CPEB3: variants seen among roughly 807,000 people sequenced by gnomAD.
The protein encoded by CPEB3 is cytoplasmic polyadenylation element binding protein 3.
CPEB3 carries 20 observed loss-of-function variants against 67.2 expected under a neutral mutation model. That is an observed-to-expected ratio of 0.30 (90% confidence interval 0.21 to 0.43). The LOEUF (loss-of-function observed/expected upper bound fraction) is 0.43. Among genes scored for constraint, CPEB3 ranks in the 20% least tolerant of loss-of-function variants. The pLI is 1.00. For missense variants in CPEB3, 746 were observed against 968.6 expected (o/e 0.77, Z 3.05); for synonymous variants, 376 against 393.1 (o/e 0.96, Z 0.51).
At chr10:92,115,054 G>C (rs1590170504) in intron 6 of CPEB3, among the ~76,000 whole-genome samples, 2 of 152,196 alleles carry the variant, frequency 1.3e-5, no homozygotes, top group South Asian at 4.1e-4. Context: ...CGGCGGCCGC[G>C]GGCGCGGGGG....
At chr10:92,228,063 T>C (rs999003507) in intron 2 of CPEB3, among the ~76,000 whole-genome samples, 26 of 152,146 alleles carry the variant, frequency 1.7e-4, no homozygotes, top group South Asian at 4.1e-4. Flanking sequence ...ATTTTTTGTA[T>C]TTTTAGTAGA....
Position 92,162,141 on chromosome 10 carries a change from CT to C in CPEB3, c.1223-17057del, listed in dbSNP as rs910793361. 5.0e-3 allele frequency among the ~76,000 whole-genome samples: 731 copies of C among 145,250 alleles called. 3 individuals carry two copies. The highest frequency in any genetic ancestry group is 0.014 in the African/African-American group (567 of 39,896). ...TATTACCAGCCTTAGAGATAGAATT[CT>C]TTTTTTTTTTAAGAGAAAGAATCTT... On this transcript the variant is annotated intron_variant, in intron 4 of 9. Transcript: ENST00000265997.
chr10:92,097,251 T>C (rs1448886331), intron 7 of CPEB3, among the ~76,000 whole-genome samples: 1 of 152,226 alleles, frequency 6.6e-6, no homozygotes, highest in Non-Finnish European at 1.5e-5. Context: ...TAGGAACTAA[T>C]TCAAATGTTA....
intron 2 of CPEB3, among the ~76,000 whole-genome samples, chr10:92,225,172 A>G (rs1414595348): frequency 6.6e-6 from 1 of 151,948 alleles, no homozygotes; most frequent in Admixed American, 6.6e-5. Context: ...ATGGGGTTGC[A>G]CAATGTTGGC....
At chr10:92,090,409 G>A (rs1014221623) in intron 8 of CPEB3, among the ~76,000 whole-genome samples, 1 of 152,224 alleles carries the variant, frequency 6.6e-6, no homozygotes, top group East Asian at 1.9e-4. Flanking sequence ...AGGTGTGGTG[G>A]CACACACCTG....
intron 2 of CPEB3, among the ~76,000 whole-genome samples, chr10:92,209,016 C>CA (rs560999976): frequency 4.2e-4 from 64 of 152,294 alleles, no homozygotes; most frequent in African/African-American, 1.4e-3. Flanking sequence ...TTCTTGTAGT[C>CA]AGAGACTATG....
intron 9 of CPEB3, among the ~76,000 whole-genome samples, chr10:92,057,894 G>A (rs1360490754): frequency 2.6e-5 from 4 of 152,132 alleles, no homozygotes; most frequent in Non-Finnish European, 5.9e-5. Context: ...CTGGGCATGG[G>A]TGACCCCTAA....
chr10:92,047,083 A>C lies in CPEB3; in HGVS notation c.*5129T>G, dbSNP rs1396994757. ...AGAGCAGAAGTTATCCTGTGTTAGC[A>C]CCCAAGTTTTCTACTTGTTGCAATT... On this transcript the variant is annotated 3_prime_UTR_variant, in exon 10 of 10. Coordinates refer to ENST00000265997, the MANE Select transcript of CPEB3 (RefSeq NM_014912.5). 1 of 152,210 alleles carries C rather than the reference A, an allele frequency of 6.6e-6. No homozygotes were observed. Among genetic ancestry groups the C allele is most frequent in the Non-Finnish European group, 1.5e-5 (1 of 68,040 alleles). The allele number at this position is 152,210 out of a possible 1,614,324, so 9.4% of individuals were successfully genotyped here. A position where few individuals can be genotyped will look rare whatever the true frequency, so the allele number is the denominator to read the frequency against.
chr10:92,188,026 T>C (rs566217039), intron 3 of CPEB3, among the ~76,000 whole-genome samples: 1 of 151,468 alleles, frequency 6.6e-6, no homozygotes, highest in Non-Finnish European at 1.5e-5. Flanking sequence ...TGAAACCTTG[T>C]CTCTACAGCA....
chr10:92,287,982 G>A (rs1437586532), intron 1 of CPEB3, among the ~76,000 whole-genome samples: 2 of 152,152 alleles, frequency 1.3e-5, no homozygotes, highest in African/African-American at 4.8e-5. Flanking sequence ...CATACAATAT[G>A]TGGTCTTTGT....
At chr10:92,252,650 T>G (rs1025497255) in intron 1 of CPEB3, among the ~76,000 whole-genome samples, 9 of 152,086 alleles carry the variant, frequency 5.9e-5, no homozygotes, top group African/African-American at 2.2e-4. Context: ...TTTTTGTAGC[T>G]GGGACTACAG....
intron 2 of CPEB3, chr10:92,216,695 C>G: frequency 2.5e-6 from 4 of 1,605,388 alleles, no homozygotes; most frequent in Non-Finnish European, 3.4e-6. Flanking sequence ...AGGCTCCAAG[C>G]GCCCCACCTG....
intron 7 of CPEB3, among the ~76,000 whole-genome samples, chr10:92,097,722 C>T (rs887491897): frequency 1.3e-5 from 2 of 152,146 alleles, no homozygotes; most frequent in African/African-American, 4.8e-5. Flanking sequence ...TTCAAGGTTT[C>T]CCAAAGTGTG....
At chr10:92,187,743 ATC>A in intron 3 of CPEB3, among the ~76,000 whole-genome samples, 1 of 152,028 alleles carries the variant, frequency 6.6e-6, no homozygotes, top group East Asian at 1.9e-4. Context: ...CTTTTTCGTT[ATC>A]TCTTACCCCA....
intron 4 of CPEB3, among the ~76,000 whole-genome samples, chr10:92,163,114 T>C (rs1430220538): frequency 1.3e-5 from 2 of 152,174 alleles, no homozygotes; most frequent in Non-Finnish European, 2.9e-5. Flanking sequence ...TACAGTATCA[T>C]ATAGAATAGT....
chr10:92,103,594 A>G (rs529174528), intron 7 of CPEB3, among the ~76,000 whole-genome samples: 32 of 152,358 alleles, frequency 2.1e-4, no homozygotes, highest in African/African-American at 7.7e-4. Context: ...TAGGCTCCTG[A>G]ACAAGTCAAC....
chr10:92,160,198 G>C (rs778953818), intron 4 of CPEB3, among the ~76,000 whole-genome samples: 1 of 152,026 alleles, frequency 6.6e-6, no homozygotes, highest in Non-Finnish European at 1.5e-5. Flanking sequence ...CCCCACCTCG[G>C]CCTCCCAAAG....
At position 92,114,458 on chromosome 10, in the gene CPEB3, C is replaced by T. The variant is rs77191940; in HGVS notation, c.1454-3264G>A. 3.7e-3 allele frequency among the ~76,000 whole-genome samples: 556 copies of T among 152,318 alleles called. 5 individuals carry two copies. The highest frequency in any genetic ancestry group is 0.013 in the African/African-American group (534 of 41,568). ...ATGATTTACTAAAAGGTAAATTGCA[C>T]ATGGTACTAGGAAGTGTTCTGGACT... On this transcript the variant is annotated intron_variant, in intron 6 of 9. Coordinates refer to ENST00000265997, the MANE Select transcript of CPEB3 (RefSeq NM_014912.5).
intron 4 of CPEB3, among the ~76,000 whole-genome samples, chr10:92,179,863 C>T (rs1459733647): frequency 6.6e-6 from 1 of 151,708 alleles, no homozygotes; most frequent in East Asian, 1.9e-4. Flanking sequence ...CTAAAGAACT[C>T]CAATGACATT....
Sources: allele counts gnomAD v4.1 joint callset (sites outside exome capture counted in the v4.1 genomes callset), GRCh38; gene constraint gnomAD v4.1.1; transcripts MANE v1.5; gene names NCBI Gene and HGNC (gene_info 2026-07-23, HGNC 2026-07-21).